The following FARP2 variants were observed in gnomAD, a reference collection of about 807,000 sequenced individuals.
FARP2 encodes the protein FERM, ARH/RhoGEF and pleckstrin domain protein 2, also known as FERM, ARHGEF and pleckstrin domain-containing protein 2.
Under a neutral mutation model 130.5 loss-of-function variants are expected in FARP2, and 111 were observed. The ratio of observed to expected loss-of-function variants is 0.85; its 90% CI spans 0.73 to 1.00. FARP2 has a LOEUF of 1.00. Among genes scored for constraint, FARP2 ranks in the 50% least tolerant of loss-of-function variants. The pLI, the probability that FARP2 is intolerant of heterozygous loss-of-function variation, is 0.00. For missense variants in FARP2, 1,385 were observed against 1,346.3 expected, an observed-to-expected ratio of 1.03 and a Z score of -0.45; for synonymous variants, 504 against 516.9, an observed-to-expected ratio of 0.98 and a Z score of 0.34.
At chr2:241,420,087 G>A (rs2062767982) in intron 8 of FARP2, among the ~76,000 whole-genome samples, 1 of 152,196 alleles carries the variant, frequency 6.6e-6, no homozygotes, top group Admixed American at 6.5e-5. Flanking sequence ...GGAGGTCGAG[G>A]CTACAGTGAG....
intron 8 of FARP2, among the ~76,000 whole-genome samples, chr2:241,430,270 A>G (rs12612038): frequency 0.17 from 25,444 of 152,154 alleles, 2,528 homozygotes; most frequent in East Asian, 0.41. Flanking sequence ...CTTACAGAAT[A>G]AGACATGCCA....
At chr2:241,454,904 A>G (rs1264607612) in intron 13 of FARP2, among the ~76,000 whole-genome samples, 2 of 152,206 alleles carry the variant, frequency 1.3e-5, no homozygotes, top group East Asian at 3.8e-4. Context: ...CCTAATAACT[A>G]GAATTCCTAG....
At chr2:241,484,108 C>A in intron 20 of FARP2, 134 bp from the exon 21 acceptor site, 2 of 1,455,930 alleles carry the variant, frequency 1.4e-6, no homozygotes, top group Non-Finnish European at 1.8e-6. Context: ...AATAAAAGTC[C>A]CCTTTCTGCC....
chr2:241,387,312 G>A (rs186133142), intron 2 of FARP2: 10 of 152,132 alleles, frequency 6.6e-5, no homozygotes, highest in Admixed American at 5.9e-4. Context: ...CTGGAAAGGA[G>A]GTAAAAACTG....
chr2:241,479,171 A>G (rs2064551422), intron 19 of FARP2, among the ~76,000 whole-genome samples: 1 of 152,214 alleles, frequency 6.6e-6, no homozygotes. Context: ...CCAGCTGTCC[A>G]AGGCCAGGTG....
At chr2:241,418,730 G>A (rs1249847624) in intron 8 of FARP2, among the ~76,000 whole-genome samples, 1 of 152,154 alleles carries the variant, frequency 6.6e-6, no homozygotes, top group East Asian at 1.9e-4. Context: ...GTGTATGCTG[G>A]GGTTTGTGAT....
rs1243876155 is a variant in FARP2 at position 241,437,666 on chromosome 2, A to ATTTTTTTTTT, written c.1158+1131_1158+1132insTTTTTTTTTT. ...TATATATATATTTATTTATTTATTTATTTATTTTTTTTTTTTGAGACGGAG... is the reference window on the plus strand; with the variant it reads ...TATATATATATTTATTTATTTATTTATTTTTTTTTTTTTATTTTTTTTTTTTGAGACGGAG... On this transcript the variant is annotated intron_variant, in intron 12 of 26. Transcript: ENST00000264042. Among the ~76,000 whole-genome samples the ATTTTTTTTTT allele has an allele frequency of 1.2e-4, 16 of 129,258 alleles. 1 individual carries two copies. The highest frequency in any genetic ancestry group is 4.9e-4 in the South Asian group (2 of 4,058). 84.8% of individuals were successfully genotyped at this position (129,258 alleles called of 152,430 possible).
intron 14 of FARP2, 24 bp from the exon 15 acceptor site, chr2:241,462,499 C>CT: frequency 6.3e-7 from 1 of 1,587,256 alleles, no homozygotes; most frequent in South Asian, 1.1e-5. Flanking sequence ...GGGACGCACA[C>CT]TTACAGCTCT....
chr2:241,445,379 G>C (rs1288162044), intron 13 of FARP2: 1 of 152,194 alleles, frequency 6.6e-6, no homozygotes, highest in African/African-American at 2.4e-5. Flanking sequence ...AGGCAAGCGT[G>C]GGCACCATGG....
intron 17 of FARP2, chr2:241,466,689 A>ACCCC: frequency 2.0e-6 from 1 of 497,492 alleles, no homozygotes; most frequent in Non-Finnish European, 2.3e-6. Context: ...CCTTCCAACC[A>ACCCC]CCCCCCCCCC....
chr2:241,370,328 G>A (rs2061397936), intron 1 of FARP2, among the ~76,000 whole-genome samples: 1 of 152,094 alleles, frequency 6.6e-6, no homozygotes, highest in African/African-American at 2.4e-5. Context: ...ATATAGCATG[G>A]TGACTCTAGT....
chr2:241,490,163 C>G (rs1379986064), intron 22 of FARP2, 119 bp downstream of exon 22: 2 of 710,928 alleles, frequency 2.8e-6, no homozygotes, highest in South Asian at 3.3e-5. Context: ...TGGGGTTGTG[C>G]CCCCTTTGAC....
intron 7 of FARP2, among the ~76,000 whole-genome samples, chr2:241,414,490 C>G (rs1408884860): frequency 6.6e-6 from 1 of 152,212 alleles, no homozygotes; most frequent in Non-Finnish European, 1.5e-5. Context: ...GGCAGCTGCC[C>G]TTTCACACCT....
At chr2:241,371,203 T>G (rs1025804045) in intron 1 of FARP2, among the ~76,000 whole-genome samples, 3 of 152,124 alleles carry the variant, frequency 2.0e-5, no homozygotes, top group Non-Finnish European at 4.4e-5. Flanking sequence ...AAAGGTTCTT[T>G]TCTAGGTGTG....
intron 19 of FARP2, among the ~76,000 whole-genome samples, chr2:241,481,024 G>A (rs1574904979): frequency 7.2e-6 from 1 of 139,360 alleles, no homozygotes; most frequent in African/African-American, 2.7e-5. Flanking sequence ...ATTGAGACTA[G>A]CCTGGGCAAC....
chr2:241,436,013 C>T (rs1338931599), intron 11 of FARP2, among the ~76,000 whole-genome samples: 2 of 147,700 alleles, frequency 1.4e-5, no homozygotes, highest in South Asian at 2.2e-4. Context: ...CCTGGGTTCA[C>T]GCCATTCTCT....
chr2:241,402,658 A>G (rs1345940319), intron 2 of FARP2, among the ~76,000 whole-genome samples: 1 of 150,068 alleles, frequency 6.7e-6, no homozygotes, highest in Non-Finnish European at 1.5e-5. Context: ...ATAAAACTCT[A>G]TTTCCATTTT....
At chr2:241,383,488 C>T (rs1159966356) in intron 2 of FARP2, among the ~76,000 whole-genome samples, 4 of 152,084 alleles carry the variant, frequency 2.6e-5, no homozygotes, top group Non-Finnish European at 4.4e-5. Flanking sequence ...TGGGGATTAG[C>T]AAGAGACCAT....
At chr2:241,481,841 C>G (rs2064623882) in intron 19 of FARP2, among the ~76,000 whole-genome samples, 1 of 152,208 alleles carries the variant, frequency 6.6e-6, no homozygotes, top group African/African-American at 2.4e-5. Flanking sequence ...CCACACTTCC[C>G]ATGTGGCCTG....
Sources: allele counts gnomAD v4.1 joint callset (sites outside exome capture counted in the v4.1 genomes callset), GRCh38; gene constraint gnomAD v4.1.1; transcripts MANE v1.5; gene names NCBI Gene and HGNC (gene_info 2026-07-23, HGNC 2026-07-21).